SCFD2: variants seen among roughly 807,000 people sequenced by gnomAD.
SCFD2 encodes sec1 family domain containing 2.
Under a neutral mutation model 58.9 loss-of-function variants are expected in SCFD2, and 54 were observed. The ratio of observed to expected loss-of-function variants is 0.92; its 90% CI spans 0.74 to 1.15. The LOEUF (loss-of-function observed/expected upper bound fraction) is 1.15, where lower values mean the gene tolerates loss of function less well. Ranked by LOEUF, SCFD2 falls within the 50% of genes most tolerant of loss-of-function variation. SCFD2 has a pLI of 0.00. For synonymous variants in SCFD2, 321 were observed against 335.9 expected (o/e 0.96, Z 0.49); for missense variants, 805 against 836.6 (o/e 0.96, Z 0.47).
chr4:52,888,921 C>T (rs1718816994), intron 7 of SCFD2, among the ~76,000 whole-genome samples: 1 of 152,186 alleles, frequency 6.6e-6, no homozygotes, highest in Non-Finnish European at 1.5e-5. Context: ...GACGACACCT[C>T]CTGGGATTTC....
intron 3 of SCFD2, among the ~76,000 whole-genome samples, chr4:53,291,632 TA>T (rs1195264785): frequency 2.0e-5 from 3 of 151,998 alleles, no homozygotes; most frequent in African/African-American, 7.3e-5. Flanking sequence ...AAAACTATTT[TA>T]AAATTCATAT....
At chr4:52,959,197 G>A (rs1049820481) in intron 5 of SCFD2, among the ~76,000 whole-genome samples, 5 of 152,094 alleles carry the variant, frequency 3.3e-5, no homozygotes, top group Non-Finnish European at 7.4e-5. Flanking sequence ...AAGAGGCTTC[G>A]GTTCTAGTCT....
chr4:53,127,496 C>T (rs1349288946), intron 5 of SCFD2, among the ~76,000 whole-genome samples: 1 of 152,172 alleles, frequency 6.6e-6, no homozygotes, highest in East Asian at 1.9e-4. Context: ...GGAGGGAAGG[C>T]AGACACTAAT....
chr4:53,002,980 C>T (rs1200591172), intron 5 of SCFD2, among the ~76,000 whole-genome samples: 1 of 152,120 alleles, frequency 6.6e-6, no homozygotes, highest in African/African-American at 2.4e-5. Flanking sequence ...TTTTAAATAA[C>T]CAGATCTCAT....
chr4:53,245,624 T>C (rs1263592970), intron 4 of SCFD2, among the ~76,000 whole-genome samples: 1 of 152,044 alleles, frequency 6.6e-6, no homozygotes, highest in African/African-American at 2.4e-5. Flanking sequence ...AAACTAAGTA[T>C]TGCAGGAATA....
rs556199992 is a variant in SCFD2 at position 53,256,803 on chromosome 4, G to A, written c.1311+17023C>T. Among the ~76,000 whole-genome samples, 426 of 151,040 alleles carry A rather than the reference G, an allele frequency of 2.8e-3. 1 individual carries two copies. Among genetic ancestry groups the A allele is most frequent in the African/African-American group, 9.7e-3 (397 of 41,132 alleles). On this transcript the variant is annotated intron_variant, in intron 4 of 8. Coordinates refer to ENST00000401642, the MANE Select transcript of SCFD2 (RefSeq NM_152540.4). Reference sequence around the variant, plus strand: ...TCAGGCAGGGGGGTTGCAGTGAGCCGAGATGGCAGCAGTACAGTCCAGCTT... The same window carrying A: ...TCAGGCAGGGGGGTTGCAGTGAGCCAAGATGGCAGCAGTACAGTCCAGCTT...
chr4:53,213,901 T>G (rs1317832211), intron 4 of SCFD2, among the ~76,000 whole-genome samples: 1 of 152,056 alleles, frequency 6.6e-6, no homozygotes, highest in East Asian at 1.9e-4. Context: ...TGAGAACATG[T>G]GGTGTTTGGT....
In SCFD2 at chr4:53,236,955, T is replaced by A. The variant is rs879392530; in HGVS notation, c.1311+36871A>T. Among the ~76,000 whole-genome samples the A allele has an allele frequency of 9.2e-5, 14 of 151,508 alleles. No individual in the cohort carries two copies. In the East Asian group the frequency reaches 2.5e-3, roughly 27 times the overall value. On this transcript the variant is annotated intron_variant, in intron 4 of 8. Coordinates refer to ENST00000401642, the MANE Select transcript of SCFD2 (RefSeq NM_152540.4). ...CAGTAGCTAAACAAGTGAACAAAGGTCTCTGGTTTTCCTAGGCAGAGGACC... is the reference window on the plus strand; with the variant it reads ...CAGTAGCTAAACAAGTGAACAAAGGACTCTGGTTTTCCTAGGCAGAGGACC...
chr4:53,254,376 C>A (rs1162495606), intron 4 of SCFD2, among the ~76,000 whole-genome samples: 4 of 152,190 alleles, frequency 2.6e-5, no homozygotes, highest in Admixed American at 6.5e-5. Context: ...TCCTGCCACC[C>A]TGTGAAGAAG....
chr4:53,293,317 G>C (rs1259064223), intron 3 of SCFD2, among the ~76,000 whole-genome samples: 1 of 151,888 alleles, frequency 6.6e-6, no homozygotes. Flanking sequence ...AGGGGAAGCA[G>C]GGGGAGAAAG....
rs1388322065 is a variant in SCFD2 at position 53,352,623 on chromosome 4, C to T, written c.982G>A (p.Ala328Thr). Reference sequence around the variant, plus strand: ...CTGGATTGTGAAAGACAGCCTGGTGCAACCACATTATAATTTTCCTCCTCA... The same window carrying T: ...CTGGATTGTGAAAGACAGCCTGGTGTAACCACATTATAATTTTCCTCCTCA... ...HTEEENYNVV[A>T]PGCLSQSSDT... Residue 328 changes from alanine to threonine, a missense_variant, in exon 2 of 9, where the codon GCA (alanine) becomes ACA (threonine). Physicochemically the swap from Ala to Thr is moderately conservative, Grantham distance 58 (BLOSUM62 0). This residue lies in a region of SCFD2 where 633 missense variants were observed against 646.8 expected (regional missense o/e 0.98). Coordinates refer to ENST00000401642, the MANE Select transcript of SCFD2 (RefSeq NM_152540.4). 6.2e-7 allele frequency: 1 copy of T among 1,613,344 alleles called. No individual in the cohort carries two copies. Among genetic ancestry groups the T allele is most frequent in the East Asian group, 2.2e-5 (1 of 44,878 alleles).
chr4:53,198,020 T>C (rs1372471584), intron 4 of SCFD2, among the ~76,000 whole-genome samples: 2 of 152,104 alleles, frequency 1.3e-5, no homozygotes, highest in African/African-American at 4.8e-5. Context: ...TCCAATGACT[T>C]AACAAAATTC....
intron 4 of SCFD2, among the ~76,000 whole-genome samples, chr4:53,180,555 A>C (rs191307959): frequency 0.014 from 2,176 of 152,324 alleles, 18 homozygotes; most frequent in Non-Finnish European, 0.022. Context: ...AGCAGGAAAG[A>C]TCTAAAATTG....
At chr4:52,902,520 T>A (rs1384293954) in intron 7 of SCFD2, among the ~76,000 whole-genome samples, 1 of 152,238 alleles carries the variant, frequency 6.6e-6, no homozygotes, top group Non-Finnish European at 1.5e-5. Context: ...CAATTAGGCT[T>A]TGTGCCCCAA....
Position 53,143,827 on chromosome 4 carries a change from C to CA in SCFD2, c.1561+1505_1561+1506insT, listed in dbSNP as rs71197004. On this transcript the variant is annotated intron_variant, in intron 5 of 8. Transcript: ENST00000401642. ...ACACACACACACACACACACACACA[C>CA]CAGCAAATGAATAGAAATGTGGTAC... is the stretch of plus-strand genomic sequence containing the variant. Among the ~76,000 whole-genome samples the CA allele has an allele frequency of 2.7e-5, 4 of 150,874 alleles. No homozygotes were observed. The Admixed American group carries it at 2.7e-4, about 10-fold the overall frequency.
chr4:53,020,407 T>C (rs550188902), intron 5 of SCFD2, among the ~76,000 whole-genome samples: 1 of 152,318 alleles, frequency 6.6e-6, no homozygotes, highest in African/African-American at 2.4e-5. Flanking sequence ...TCCAGTTGTT[T>C]TTTAGAAATA....
At chr4:53,035,029 CAAG>C (rs945594102) in intron 5 of SCFD2, among the ~76,000 whole-genome samples, 1 of 152,146 alleles carries the variant, frequency 6.6e-6, no homozygotes, top group Non-Finnish European at 1.5e-5. Context: ...CAATTCTGGG[CAAG>C]AAGAACAAAC....
intron 5 of SCFD2, among the ~76,000 whole-genome samples, chr4:53,097,322 C>A (rs192135449): frequency 2.0e-5 from 3 of 152,132 alleles, no homozygotes; most frequent in African/African-American, 7.2e-5. Flanking sequence ...GCTATTTTCA[C>A]GATATTGATT....
chr4:53,167,242 C>T (rs890639292), intron 4 of SCFD2, among the ~76,000 whole-genome samples: 1 of 152,222 alleles, frequency 6.6e-6, no homozygotes, highest in Non-Finnish European at 1.5e-5. Context: ...CCAGAATACT[C>T]TGTAGCCTTT....
Sources: allele counts gnomAD v4.1 joint callset (sites outside exome capture counted in the v4.1 genomes callset), GRCh38; gene constraint gnomAD v4.1.1; regional missense constraint gnomAD v4.1.1; transcripts MANE v1.5; gene names NCBI Gene and HGNC (gene_info 2026-07-23, HGNC 2026-07-21).